Variants in BLVRA observed in about 807,000 individuals in gnomAD.
The protein encoded by BLVRA is biliverdin reductase A.
BLVRA carries 22 observed loss-of-function variants against 32.8 expected under a neutral mutation model. The observed-to-expected ratio is 0.67, with a 90% CI of 0.48 to 0.96. The LOEUF is 0.96. Among genes scored for constraint, BLVRA ranks in the 40% least tolerant of loss-of-function variants. BLVRA has a pLI of 0.00. For synonymous variants in BLVRA, 119 were observed against 141.3 expected, an observed-to-expected ratio of 0.84 and a Z score of 1.12; for missense variants, 323 against 358.1, an observed-to-expected ratio of 0.90 and a Z score of 0.79.
chr7:43,769,216 G>T (rs1040166943), intron 1 of BLVRA, among the ~76,000 whole-genome samples: 5 of 152,086 alleles, frequency 3.3e-5, no homozygotes, highest in African/African-American at 1.2e-4. Flanking sequence ...TTTAAGTAAA[G>T]ACAGGGTCTT....
At chr7:43,798,007 C>CA (rs2095794557) in intron 5 of BLVRA, among the ~76,000 whole-genome samples, 1 of 151,682 alleles carries the variant, frequency 6.6e-6, no homozygotes, top group African/African-American at 2.4e-5. Flanking sequence ...GCCTGGCCTA[C>CA]ACTGTGAAAC....
chr7:43,773,384 C>T (rs983139200), intron 2 of BLVRA, among the ~76,000 whole-genome samples: 9 of 151,638 alleles, frequency 5.9e-5, no homozygotes, highest in East Asian at 1.9e-4. Context: ...TGAGAACATG[C>T]GGTGTTTGGT....
intron 3 of BLVRA, among the ~76,000 whole-genome samples, chr7:43,789,681 C>A (rs1329507286): frequency 1.2e-5 from 1 of 83,174 alleles, no homozygotes; most frequent in African/African-American, 3.2e-5. Context: ...ATGGCCAGGT[C>A]ACACCCCTGC....
chr7:43,794,477 G>A (rs1016496053), intron 5 of BLVRA, among the ~76,000 whole-genome samples: 3 of 152,204 alleles, frequency 2.0e-5, no homozygotes, highest in East Asian at 3.8e-4. Context: ...GCTCAAGCCT[G>A]TAATCCCAGG....
At chr7:43,771,225 T>C (rs1345904680) in intron 2 of BLVRA, 55 bp downstream of exon 2, 1 of 1,586,738 alleles carries the variant, frequency 6.3e-7, no homozygotes, top group East Asian at 2.2e-5. Flanking sequence ...GTGTCCCTCA[T>C]TTCTCCTTTG....
chr7:43,770,139 C>T (rs2095752871), intron 1 of BLVRA, among the ~76,000 whole-genome samples: 1 of 152,142 alleles, frequency 6.6e-6, no homozygotes, highest in Non-Finnish European at 1.5e-5. Flanking sequence ...GGCCTTCTGC[C>T]CTCTGCAAGC....
chr7:43,801,270 A>C (rs1165775385), intron 6 of BLVRA, among the ~76,000 whole-genome samples: 1 of 152,218 alleles, frequency 6.6e-6, no homozygotes, highest in Non-Finnish European at 1.5e-5. Context: ...TGCTGGGATT[A>C]CAGGCATGAG....
In BLVRA at chr7:43,803,757, G is replaced by A. The variant is rs756570309; in HGVS notation, c.542G>A (p.Gly181Glu). Residue 181 changes from glycine (G) to glutamate (E), a missense_variant, in exon 7 of 8, where the codon GGG becomes GAG. Physicochemically the swap from Gly to Glu is moderately conservative, Grantham distance 98. Transcript: ENST00000265523. ...CTGACCTGGCTGGTCTCCCTCTTTGGGGAGCTTTCTCTTGTGTCTGCCACT... is the reference window on the plus strand; with the variant it reads ...CTGACCTGGCTGGTCTCCCTCTTTGAGGAGCTTTCTCTTGTGTCTGCCACT... The part of the protein sequence containing the change: ...SRLTWLVSLF[G>E]ELSLVSATLE... 1.2e-6 allele frequency: 2 copies of A among 1,614,152 alleles called. No homozygotes were observed. The highest frequency in any genetic ancestry group is 2.2e-5 in the South Asian group (2 of 91,084).
intron 7 of BLVRA, 134 bp downstream of exon 7, chr7:43,803,981 G>A: frequency 2.0e-6 from 2 of 1,014,060 alleles, no homozygotes; most frequent in South Asian, 2.7e-5. Flanking sequence ...TTCTGCAGAT[G>A]GAGTGCTGAG....
chr7:43,797,356 G>A (rs1457379958), intron 5 of BLVRA, among the ~76,000 whole-genome samples: 4 of 152,210 alleles, frequency 2.6e-5, no homozygotes, highest in Admixed American at 2.6e-4. Context: ...CCAAAGTGCT[G>A]GAATTACAGG....
intron 1 of BLVRA, among the ~76,000 whole-genome samples, chr7:43,768,874 T>TCCC (rs2095751259): frequency 6.6e-6 from 1 of 151,350 alleles, no homozygotes; most frequent in Admixed American, 6.6e-5. Flanking sequence ...GTGCTGGCGC[T>TCCC]CCCACCCCAC....
chr7:43,795,332 A>G (rs1462135272), intron 5 of BLVRA, among the ~76,000 whole-genome samples: 1 of 152,202 alleles, frequency 6.6e-6, no homozygotes, highest in Admixed American at 6.5e-5. Context: ...CCTAGCCAAC[A>G]TGGTGAAACC....
chr7:43,799,828 G>C (rs1010127869), intron 5 of BLVRA, among the ~76,000 whole-genome samples: 2 of 152,192 alleles, frequency 1.3e-5, no homozygotes, highest in African/African-American at 4.8e-5. Flanking sequence ...GTCTAGAACA[G>C]TAGCTAACTG....
chr7:43,759,446 T>A (rs2095739914), intron 1 of BLVRA, among the ~76,000 whole-genome samples: 1 of 152,242 alleles, frequency 6.6e-6, no homozygotes, highest in Non-Finnish European at 1.5e-5. Context: ...GTTCATTATG[T>A]GATAGGAGTT....
chr7:43,780,857 A>G (rs933418000), intron 2 of BLVRA, among the ~76,000 whole-genome samples: 3 of 152,248 alleles, frequency 2.0e-5, no homozygotes, highest in Non-Finnish European at 2.9e-5. Context: ...CTAAATTTAT[A>G]TACAGTAGGC....
chr7:43,786,850 G>C (rs1200329913), intron 2 of BLVRA, among the ~76,000 whole-genome samples: 1 of 152,232 alleles, frequency 6.6e-6, no homozygotes, highest in East Asian at 1.9e-4. Context: ...TGAAGAAAAG[G>C]GGCAAATCTG....
intron 2 of BLVRA, among the ~76,000 whole-genome samples, chr7:43,778,223 T>A (rs1215444558): frequency 6.6e-6 from 1 of 152,244 alleles, no homozygotes; most frequent in African/African-American, 2.4e-5. Context: ...GGCGCTCTGC[T>A]TTTTAGAGTT....
intron 1 of BLVRA, among the ~76,000 whole-genome samples, chr7:43,770,615 G>A (rs1323762707): frequency 2.0e-5 from 3 of 151,848 alleles, no homozygotes; most frequent in African/African-American, 7.3e-5. Flanking sequence ...CTCCTTCCTT[G>A]CTACCCCTGC....
intron 1 of BLVRA, among the ~76,000 whole-genome samples, chr7:43,761,526 G>A (rs948194093): frequency 6.6e-6 from 1 of 152,140 alleles, no homozygotes; most frequent in Non-Finnish European, 1.5e-5. Flanking sequence ...CAGTTACATG[G>A]TTCTTGTCTT....
Sources: gnomAD v4.1 joint callset for allele counts (sites outside exome capture counted in the v4.1 genomes callset) on GRCh38, gnomAD v4.1.1 for gene constraint, MANE v1.5 for transcripts, NCBI Gene and HGNC (gene_info 2026-07-23, HGNC 2026-07-21) for gene names.